IL1RAPL2: variants seen among roughly 807,000 people sequenced by gnomAD.
IL1RAPL2 encodes the protein X-linked interleukin-1 receptor accessory protein-like 2.
Under a neutral mutation model 44.1 loss-of-function variants are expected in IL1RAPL2, and 3 were observed. The observed-to-expected ratio is 0.07, with a 90% CI of 0.03 to 0.18. The LOEUF is 0.18. Among genes scored for constraint, IL1RAPL2 ranks in the 10% least tolerant of loss-of-function variants. The pLI is 1.00. For missense variants in IL1RAPL2, 391 were observed against 496.4 expected, an observed-to-expected ratio of 0.79 and a Z score of 2.02; for synonymous variants, 181 against 178.8, an observed-to-expected ratio of 1.01 and a Z score of -0.10.
At chrX:105,256,845 T>A (rs1157549720) in intron 4 of IL1RAPL2, among the ~76,000 whole-genome samples, 2 of 111,488 alleles carry the variant, frequency 1.8e-5, no homozygotes, top group Non-Finnish European at 3.8e-5. Context: ...TTTATTTGGA[T>A]CTTCTCTCTT....
chrX:105,518,859 T>C (rs942761005), intron 6 of IL1RAPL2, among the ~76,000 whole-genome samples: 1 of 111,954 alleles, frequency 8.9e-6, no homozygotes, highest in African/African-American at 3.2e-5. Flanking sequence ...AATTCTTGAA[T>C]GGGAGAGAAA....
chrX:104,577,676 C>T (rs939582515), intron 1 of IL1RAPL2, among the ~76,000 whole-genome samples: 1 of 110,223 alleles, frequency 9.1e-6, no homozygotes, highest in Non-Finnish European at 1.9e-5. Context: ...CAAGGGTGGT[C>T]GGGGTCTGTA....
At chrX:105,491,566 C>T (rs1314039084) in intron 6 of IL1RAPL2, among the ~76,000 whole-genome samples, 4 of 111,976 alleles carry the variant, frequency 3.6e-5, no homozygotes, top group Non-Finnish European at 5.6e-5. Flanking sequence ...GTTTTCTTGG[C>T]ACACGTAATG....
intron 2 of IL1RAPL2, among the ~76,000 whole-genome samples, chrX:104,992,230 G>T (rs1391677291): frequency 9.0e-6 from 1 of 111,166 alleles, no homozygotes; most frequent in Admixed American, 9.6e-5. Context: ...AGGATACTAA[G>T]TAGAGAGTGA....
chrX:104,885,652 C>A (rs1923216987), intron 2 of IL1RAPL2, among the ~76,000 whole-genome samples: 1 of 111,968 alleles, frequency 8.9e-6, no homozygotes, highest in African/African-American at 3.3e-5. Context: ...GAGGAACAGG[C>A]CCAAAAGGAA....
At chrX:105,171,795 C>T (rs1449557172) in intron 2 of IL1RAPL2, among the ~76,000 whole-genome samples, 1 of 111,177 alleles carries the variant, frequency 9.0e-6, no homozygotes, top group Non-Finnish European at 1.9e-5. Context: ...CCTTACCTGG[C>T]CCGCTTACCT....
chrX:104,621,485 C>T (rs1316508431), intron 1 of IL1RAPL2, among the ~76,000 whole-genome samples: 1 of 107,725 alleles, frequency 9.3e-6, no homozygotes. Flanking sequence ...GGTGCTCTCT[C>T]TGCCGTACCC....
At chrX:104,640,096 CT>C (rs1929903739) in intron 1 of IL1RAPL2, among the ~76,000 whole-genome samples, 1 of 110,781 alleles carries the variant, frequency 9.0e-6, no homozygotes, top group South Asian at 3.8e-4. Flanking sequence ...TTTTTTTCAC[CT>C]TTTGGGAACA....
At chrX:105,385,503 C>G (rs2035469648) in intron 5 of IL1RAPL2, among the ~76,000 whole-genome samples, 1 of 109,945 alleles carries the variant, frequency 9.1e-6, no homozygotes, top group Non-Finnish European at 1.9e-5. Context: ...GTACATCATA[C>G]CATAAGTAAT....
At chrX:104,658,075 T>C (rs1454539192) in intron 1 of IL1RAPL2, among the ~76,000 whole-genome samples, 2 of 112,106 alleles carry the variant, frequency 1.8e-5, no homozygotes, top group South Asian at 3.7e-4. Flanking sequence ...CTCAAGGATC[T>C]AGAACTAGAA....
chrX:105,746,902 A>T (rs1388928542), intron 8 of IL1RAPL2, among the ~76,000 whole-genome samples: 3 of 111,819 alleles, frequency 2.7e-5, no homozygotes, highest in African/African-American at 9.8e-5. Flanking sequence ...AACAGGAAAA[A>T]CCTTTTGAAT....
intron 2 of IL1RAPL2, among the ~76,000 whole-genome samples, chrX:105,024,296 A>G (rs1424545924): frequency 1.8e-5 from 2 of 111,509 alleles, no homozygotes; most frequent in South Asian, 3.7e-4. Flanking sequence ...CATTCTGGCA[A>G]TGGGTGATAT....
intron 6 of IL1RAPL2, among the ~76,000 whole-genome samples, chrX:105,537,281 C>T (rs2036684651): frequency 9.0e-6 from 1 of 111,711 alleles, no homozygotes; most frequent in Middle Eastern, 4.7e-3. Flanking sequence ...CAGACAAGAG[C>T]TGGTGTATCT....
chrX:104,578,175 T>C (rs1215549065), intron 1 of IL1RAPL2, among the ~76,000 whole-genome samples: 1 of 111,345 alleles, frequency 9.0e-6, no homozygotes. Flanking sequence ...GTAATCAGAG[T>C]TCTTTGAAGA....
intron 2 of IL1RAPL2, among the ~76,000 whole-genome samples, chrX:104,874,204 G>C (rs1416583362): frequency 1.9e-5 from 2 of 107,801 alleles, no homozygotes; most frequent in Non-Finnish European, 3.8e-5. Flanking sequence ...CTAAATCAAA[G>C]TTCTTTCCCA....
intron 6 of IL1RAPL2, among the ~76,000 whole-genome samples, chrX:105,596,071 A>G (rs2037207597): frequency 9.1e-6 from 1 of 110,286 alleles, no homozygotes. Flanking sequence ...TTGATTTTAT[A>G]TTTTAAAAAA....
At chrX:105,703,511 G>C (rs892275880) in intron 6 of IL1RAPL2, among the ~76,000 whole-genome samples, 1 of 111,570 alleles carries the variant, frequency 9.0e-6, no homozygotes, top group South Asian at 3.7e-4. Flanking sequence ...GCCACAGATA[G>C]CTGCTATATT....
At chrX:105,242,775 A>G in intron 4 of IL1RAPL2, among the ~76,000 whole-genome samples, 1 of 111,708 alleles carries the variant, frequency 9.0e-6, no homozygotes, top group South Asian at 3.8e-4. Flanking sequence ...GATGGCCAGA[A>G]AAGCATCTCA....
chrX:105,156,941 A>G (rs1371050720), intron 2 of IL1RAPL2, among the ~76,000 whole-genome samples: 1 of 110,329 alleles, frequency 9.1e-6, no homozygotes, highest in African/African-American at 3.3e-5. Flanking sequence ...CTATGACTAT[A>G]TTAGAGCCCT....
Sources: allele counts gnomAD v4.1 joint callset (sites outside exome capture counted in the v4.1 genomes callset), GRCh38; gene constraint gnomAD v4.1.1; transcripts MANE v1.5; gene names NCBI Gene and HGNC (gene_info 2026-07-23, HGNC 2026-07-21).